Variants in GLS2 observed in about 807,000 individuals in gnomAD.
GLS2 encodes the protein glutaminase 2.
GLS2 carries 52 observed loss-of-function variants against 79.0 expected under a neutral mutation model. The ratio of observed to expected loss-of-function variants is 0.66; its 90% CI spans 0.53 to 0.83. The LOEUF is 0.83. Among genes scored for constraint, GLS2 ranks in the 40% least tolerant of loss-of-function variants. The pLI is 0.00. For synonymous variants in GLS2, 238 were observed against 280.8 expected, an observed-to-expected ratio of 0.85 and a Z score of 1.52; for missense variants, 561 against 764.8, an observed-to-expected ratio of 0.73 and a Z score of 3.14.
chr12:56,479,390 T>C, intron 3 of GLS2: 2 of 539,000 alleles, frequency 3.7e-6, no homozygotes, highest in Non-Finnish European at 6.3e-6. Context: ...AAAGACACTA[T>C]GTCTTGGGAT....
intron 3 of GLS2, 81 bp downstream of exon 3, chr12:56,479,699 C>A: frequency 1.4e-6 from 2 of 1,459,334 alleles, no homozygotes; most frequent in South Asian, 1.5e-5. Context: ...CTATACAATT[C>A]CCAAATTCCT....
Sources: gnomAD v4.1 joint callset for allele counts on GRCh38, gnomAD v4.1.1 for gene constraint, MANE v1.5 for transcripts, NCBI Gene and HGNC (gene_info 2026-07-23, HGNC 2026-07-21) for gene names.